Variants in PCBP3 observed in about 807,000 individuals in gnomAD.
The protein encoded by PCBP3 is poly(rC) binding protein 3.
PCBP3 carries 25 observed loss-of-function variants against 52.7 expected under a neutral mutation model. That is an observed-to-expected ratio of 0.47 (90% CI 0.35 to 0.66). The LOEUF (loss-of-function observed/expected upper bound fraction) is 0.66, where lower values mean the gene tolerates loss of function less well. Ranked by LOEUF, PCBP3 falls within the 30% of genes least tolerant of loss-of-function variation. The probability of loss-of-function intolerance (pLI) is 0.01; values close to 1 mark genes in which losing one functional copy is unlikely to be tolerated. For missense variants in PCBP3, 391 were observed against 490.3 expected (o/e 0.80, Z 1.91); for synonymous variants, 162 against 183.0 (o/e 0.89, Z 0.93).
At chr21:45,708,838 A>G (rs1235849304) in intron 2 of PCBP3, among the ~76,000 whole-genome samples, 2 of 152,232 alleles carry the variant, frequency 1.3e-5, no homozygotes, top group African/African-American at 4.8e-5. Flanking sequence ...CCGTAGGAGC[A>G]TTTGCACTGT....
intron 2 of PCBP3, among the ~76,000 whole-genome samples, chr21:45,701,519 C>G (rs917939647): frequency 1.3e-5 from 2 of 152,092 alleles, no homozygotes; most frequent in Non-Finnish European, 2.9e-5. Flanking sequence ...AATAATGAAC[C>G]CATTATATAA....
chr21:45,874,505 C>CTTTTT (rs551716964), intron 5 of PCBP3, among the ~76,000 whole-genome samples: 9 of 134,012 alleles, frequency 6.7e-5, no homozygotes, highest in Non-Finnish European at 9.7e-5. Context: ...TTCTTCTTTT[C>CTTTTT]TTTTTTTTTT....
At chr21:45,901,712 A>AGC (rs2096055562) in intron 9 of PCBP3, 2 of 129,602 alleles carry the variant, frequency 1.5e-5, no homozygotes, top group Non-Finnish European at 3.1e-5. Flanking sequence ...AGAGGAAGAC[A>AGC]GAGAGAGAGA....
chr21:45,714,205 C>T (rs960075422), intron 2 of PCBP3, among the ~76,000 whole-genome samples: 1 of 152,232 alleles, frequency 6.6e-6, no homozygotes, highest in African/African-American at 2.4e-5. Flanking sequence ...TCTGATGACT[C>T]TTGCTCTGGG....
intron 1 of PCBP3, among the ~76,000 whole-genome samples, chr21:45,650,639 G>C (rs946741457): frequency 6.6e-6 from 1 of 152,040 alleles, no homozygotes; most frequent in Non-Finnish European, 1.5e-5. Flanking sequence ...TCTTTTTGTA[G>C]AATAAGGGTC....
intron 4 of PCBP3, among the ~76,000 whole-genome samples, chr21:45,823,876 G>A (rs2093225681): frequency 6.6e-6 from 1 of 151,936 alleles, no homozygotes; most frequent in Non-Finnish European, 1.5e-5. Context: ...TGAGTAGCTG[G>A]GATTACAGGC....
intron 4 of PCBP3, among the ~76,000 whole-genome samples, chr21:45,786,005 C>A (rs1031000100): frequency 7.7e-4 from 115 of 150,258 alleles, no homozygotes; most frequent in African/African-American, 2.8e-3. Flanking sequence ...CGGAAGGCCG[C>A]AGGGTCCTCT....
At chr21:45,896,881 A>G (rs2095846842) in intron 6 of PCBP3, among the ~76,000 whole-genome samples, 3 of 135,828 alleles carry the variant, frequency 2.2e-5, no homozygotes, top group Admixed American at 7.1e-5. Context: ...GCCGCGGCAC[A>G]TAGAACCGGA....
At chr21:45,860,472 A>G (rs935980566) in intron 5 of PCBP3, among the ~76,000 whole-genome samples, 13 of 152,308 alleles carry the variant, frequency 8.5e-5, no homozygotes, top group African/African-American at 2.9e-4. Flanking sequence ...TTGGGGCTGC[A>G]ACTTACATGG....
chr21:45,739,055 C>G (rs113841211), intron 3 of PCBP3, among the ~76,000 whole-genome samples: 1 of 73,940 alleles, frequency 1.4e-5, no homozygotes, highest in Non-Finnish European at 2.8e-5. Context: ...TTCCTGTCCA[C>G]GGTCCTCTGG....
intron 4 of PCBP3, among the ~76,000 whole-genome samples, chr21:45,765,924 A>G (rs1182517716): frequency 1.3e-5 from 2 of 152,204 alleles, no homozygotes; most frequent in Non-Finnish European, 2.9e-5. Flanking sequence ...ATTCAAGTGG[A>G]CGCCTTCAGA....
In PCBP3 at chr21:45,704,837, A is replaced by C. The variant is rs1047778752; in HGVS notation, c.-199-30555A>C. Among the ~76,000 whole-genome samples the C allele has an allele frequency of 5.9e-5, 9 of 152,156 alleles. No individual in the cohort carries two copies. In the South Asian group the frequency reaches 1.9e-3, roughly 32 times the overall value. ...AATGACCTAGAGAGTGATGTGATACAGTGCAGGTAGACGACACAGGGCGCT... is the reference window on the plus strand; with the variant it reads ...AATGACCTAGAGAGTGATGTGATACCGTGCAGGTAGACGACACAGGGCGCT... On this transcript the variant is annotated intron_variant, in intron 2 of 17. Coordinates refer to ENST00000681687, the MANE Select transcript of PCBP3 (RefSeq NM_001384156.1). The surrounding 1 kb of genome is among the most constrained non-coding windows in gnomAD (Gnocchi z 4.1).
chr21:45,683,839 T>C (rs997591066), intron 2 of PCBP3, among the ~76,000 whole-genome samples: 4 of 151,294 alleles, frequency 2.6e-5, no homozygotes, highest in Non-Finnish European at 5.9e-5. Flanking sequence ...GGCAGGAGAA[T>C]GGCATGAACC....
intron 2 of PCBP3, among the ~76,000 whole-genome samples, chr21:45,680,065 T>C (rs144635203): frequency 6.6e-6 from 1 of 152,376 alleles, no homozygotes; most frequent in East Asian, 1.9e-4. Flanking sequence ...ATACTGGATT[T>C]CTTATATCGT....
chr21:45,707,486 A>G (rs753000890), intron 2 of PCBP3, among the ~76,000 whole-genome samples: 1 of 152,216 alleles, frequency 6.6e-6, no homozygotes, highest in Non-Finnish European at 1.5e-5. Context: ...ATTGCACTCC[A>G]GCCTGGGAGA....
chr21:45,887,120 C>T (rs1050824896), intron 5 of PCBP3, among the ~76,000 whole-genome samples: 1 of 152,196 alleles, frequency 6.6e-6, no homozygotes, highest in African/African-American at 2.4e-5. Flanking sequence ...TTTCCACTTC[C>T]AAGTCTGAGA....
chr21:45,718,767 G>A (rs1815797004), intron 2 of PCBP3, among the ~76,000 whole-genome samples: 1 of 152,058 alleles, frequency 6.6e-6, no homozygotes, highest in Non-Finnish European at 1.5e-5. Context: ...AGCTGTTAGT[G>A]GTTATTACTC....
At position 45,899,605 on chromosome 21, in the gene PCBP3, G is replaced by A; in HGVS notation, c.172G>A (p.Gly58Arg). ...IRLLMHGKEV[G>R]SIIGKKGETV... The stretch of plus-strand genomic sequence containing the variant: ...GATTTTTTTTTTCTTGCAGGAAGTT[G>A]GAAGCATCATCGGGAAGGTAATTAT... Residue 58 changes from glycine to arginine, a missense_variant, in exon 7 of 18, where the codon GGA becomes AGA. Physicochemically the swap from Gly to Arg is moderately radical, Grantham distance 125. Transcript: ENST00000681687. The A allele has an allele frequency of 6.2e-7, 1 of 1,610,256 alleles. No individual in the cohort carries two copies. Among genetic ancestry groups the A allele is most frequent in the Non-Finnish European group, 8.5e-7 (1 of 1,176,644 alleles).
intron 5 of PCBP3, among the ~76,000 whole-genome samples, chr21:45,863,627 G>A (rs956981649): frequency 6.6e-6 from 1 of 152,232 alleles, no homozygotes; most frequent in African/African-American, 2.4e-5. Flanking sequence ...GCCTCCCTCG[G>A]TGGAGAGCGA....
Sources: allele counts gnomAD v4.1 joint callset (sites outside exome capture counted in the v4.1 genomes callset), GRCh38; gene constraint gnomAD v4.1.1; non-coding constraint Gnocchi (gnomAD v3.1); transcripts MANE v1.5; gene names NCBI Gene and HGNC (gene_info 2026-07-23, HGNC 2026-07-21).